The following CA10 variants were observed in gnomAD, a reference collection of about 807,000 sequenced individuals.
The protein encoded by CA10 is carbonic anhydrase-related protein 10.
A neutral mutation model predicts 44.2 loss-of-function variants in CA10; 14 were observed. The observed-to-expected ratio is 0.32, with a 90% CI of 0.21 to 0.50. The LOEUF (loss-of-function observed/expected upper bound fraction) is 0.50, where lower values mean the gene tolerates loss of function less well. CA10 is among the 20% of genes least tolerant of loss of function. The pLI is 0.99. For missense variants in CA10, 350 were observed against 409.7 expected, an observed-to-expected ratio of 0.85 and a Z score of 1.26; for synonymous variants, 159 against 141.6, an observed-to-expected ratio of 1.12 and a Z score of -0.87.
chr17:52,044,831 ACTAT>A (rs1436163188), intron 2 of CA10, among the ~76,000 whole-genome samples: 1 of 151,080 alleles, frequency 6.6e-6, no homozygotes, highest in Non-Finnish European at 1.5e-5. Flanking sequence ...CTTGTGAAAC[ACTAT>A]CAAGCAATCT....
chr17:52,113,431 C>A (rs1426312399), intron 1 of CA10, among the ~76,000 whole-genome samples: 1 of 152,034 alleles, frequency 6.6e-6, no homozygotes, highest in African/African-American at 2.4e-5. Flanking sequence ...TACCCATATG[C>A]ATAAGGCATT....
intron 3 of CA10, among the ~76,000 whole-genome samples, chr17:51,884,113 AG>A (rs1372894331): frequency 6.6e-6 from 1 of 152,174 alleles, no homozygotes; most frequent in Non-Finnish European, 1.5e-5. Context: ...AATTATATCC[AG>A]ATTCTGAATA....
intron 3 of CA10, among the ~76,000 whole-genome samples, chr17:51,927,517 T>G (rs1982480113): frequency 6.6e-6 from 1 of 152,158 alleles, no homozygotes; most frequent in East Asian, 1.9e-4. Flanking sequence ...AATATCTATA[T>G]TCCAAAATAA....
At chr17:51,953,307 T>C (rs1983551086) in intron 2 of CA10, among the ~76,000 whole-genome samples, 1 of 152,170 alleles carries the variant, frequency 6.6e-6, no homozygotes, top group African/African-American at 2.4e-5. Flanking sequence ...TTAAATACCA[T>C]CTTTATTATA....
intron 1 of CA10, among the ~76,000 whole-genome samples, chr17:52,134,284 A>G (rs1989303301): frequency 6.6e-6 from 1 of 152,186 alleles, no homozygotes; most frequent in South Asian, 2.1e-4. Context: ...GTTACTCAGT[A>G]TTTTATTCTT....
At chr17:51,867,557 G>A (rs1437012674) in intron 3 of CA10, among the ~76,000 whole-genome samples, 2 of 152,196 alleles carry the variant, frequency 1.3e-5, no homozygotes, top group South Asian at 2.1e-4. Flanking sequence ...TTAAAGCGAT[G>A]TTGCAGGTAA....
intron 3 of CA10, among the ~76,000 whole-genome samples, chr17:51,766,583 CAA>C (rs1190398129): frequency 6.6e-6 from 1 of 152,094 alleles, no homozygotes; most frequent in Non-Finnish European, 1.5e-5. Context: ...ATTTGCTGGG[CAA>C]TCTATCTATT....
intron 3 of CA10, among the ~76,000 whole-genome samples, chr17:51,843,299 G>A (rs1296669442): frequency 6.6e-6 from 1 of 152,174 alleles, no homozygotes; most frequent in Admixed American, 6.5e-5. Context: ...CTAATGTTAG[G>A]CTCAGAAAAC....
In CA10 at chr17:51,931,012, C is replaced by T. The variant is rs148839711; in HGVS notation, c.257G>A (p.Arg86His). The T allele has an allele frequency of 7.7e-4, 1,244 of 1,613,200 alleles. No homozygotes were observed. Among genetic ancestry groups the T allele is most frequent in the South Asian group, 1.2e-3 (109 of 91,010 alleles). The change falls in exon 3 of 9, where the codon CGC (arginine) becomes CAC (histidine). Residue 86 changes from arginine to histidine, a missense_variant. By Grantham distance (29) the Arg-to-His change is conservative. Coordinates refer to ENST00000451037, the MANE Select transcript of CA10 (RefSeq NM_020178.5). ...MIFDPFLTPL[R>H]INTGGRKVSG... ...TACCTTCCTGCCCCCCGTGTTGATGCGAAGAGGTGTCAGAAAGGGGTCGAA... is the reference window on the plus strand; with the variant it reads ...TACCTTCCTGCCCCCCGTGTTGATGTGAAGAGGTGTCAGAAAGGGGTCGAA...
chr17:52,013,288 T>C (rs1985866449), intron 2 of CA10, among the ~76,000 whole-genome samples: 1 of 151,884 alleles, frequency 6.6e-6, no homozygotes, highest in East Asian at 1.9e-4. Flanking sequence ...AAAAATAATA[T>C]ATACTCTTGA....
intron 6 of CA10, among the ~76,000 whole-genome samples, chr17:51,645,717 G>C (rs2157827): frequency 0.42 from 64,217 of 152,134 alleles, 14,344 homozygotes; most frequent in Non-Finnish European, 0.48. Flanking sequence ...CCTCCTTAGG[G>C]AGAAAGCATG....
chr17:51,706,529 G>A (rs529473156), intron 4 of CA10, among the ~76,000 whole-genome samples: 3 of 152,330 alleles, frequency 2.0e-5, no homozygotes, highest in African/African-American at 7.2e-5. Flanking sequence ...GAGGACTGTA[G>A]TGGCCTCCTA....
At chr17:52,139,148 T>G (rs1183339374) in intron 1 of CA10, among the ~76,000 whole-genome samples, 4 of 152,348 alleles carry the variant, frequency 2.6e-5, no homozygotes, top group Non-Finnish European at 5.9e-5. Flanking sequence ...TCTGAGACTT[T>G]GATCTTCATC....
chr17:51,719,664 AT>A (rs1430204287), intron 4 of CA10, among the ~76,000 whole-genome samples: 1 of 152,068 alleles, frequency 6.6e-6, no homozygotes, highest in African/African-American at 2.4e-5. Context: ...AGGTGGGAGA[AT>A]TACTTGAGGC....
chr17:51,878,154 AAAAAAAAAAAAAAG>A (rs1463783018), intron 3 of CA10, among the ~76,000 whole-genome samples: 1 of 150,760 alleles, frequency 6.6e-6, no homozygotes, highest in Non-Finnish European at 1.5e-5. Flanking sequence ...AAAAAAAAAA[AAAAAAAAAAAAAAG>A]AAAAAGGAAA....
Position 51,685,778 on chromosome 17 carries a change from C to G in CA10, c.466-32042G>C, listed in dbSNP as rs533262343. 2.6e-5 allele frequency among the ~76,000 whole-genome samples: 4 copies of G among 152,212 alleles called. No homozygotes were observed. In the East Asian group the frequency reaches 5.8e-4, roughly 22 times the overall value. ...GAGGTGAAGGTTGAAGAGGCTGGTC[C>G]CTGTTGTAGGAAAATAACCCCAGAA... On this transcript the variant is annotated intron_variant, in intron 4 of 8. Coordinates refer to ENST00000451037, the MANE Select transcript of CA10 (RefSeq NM_020178.5).
At chr17:51,893,352 G>A (rs1300248753) in intron 3 of CA10, among the ~76,000 whole-genome samples, 2 of 152,122 alleles carry the variant, frequency 1.3e-5, no homozygotes, top group African/African-American at 2.4e-5. Flanking sequence ...AACCATGGCA[G>A]GGGATACGGG....
At chr17:51,898,936 C>CT (rs1003730364) in intron 3 of CA10, among the ~76,000 whole-genome samples, 64 of 147,054 alleles carry the variant, frequency 4.4e-4, no homozygotes, top group South Asian at 6.4e-4. Flanking sequence ...TTTAGATCTT[C>CT]TTTTTTTTCT....
chr17:51,843,509 A>G (rs1021343039), intron 3 of CA10, among the ~76,000 whole-genome samples: 4 of 151,950 alleles, frequency 2.6e-5, no homozygotes, highest in Non-Finnish European at 4.4e-5. Flanking sequence ...TTGCTGGTTG[A>G]TTTTTTTTCC....
Sources: allele counts gnomAD v4.1 joint callset (sites outside exome capture counted in the v4.1 genomes callset), GRCh38; gene constraint gnomAD v4.1.1; transcripts MANE v1.5; gene names NCBI Gene and HGNC (gene_info 2026-07-23, HGNC 2026-07-21).